Variants in PSD3 observed in about 807,000 individuals in gnomAD.
PSD3 encodes PH and SEC7 domain-containing protein 3.
In PSD3, 49 loss-of-function variants were observed where a neutral mutation model predicts 105.5. The ratio of observed to expected loss-of-function variants is 0.46; its 90% CI spans 0.37 to 0.59. PSD3 has a LOEUF of 0.59. PSD3 is among the 20% of genes least tolerant of loss of function. The probability of loss-of-function intolerance (pLI) is 0.00; values close to 1 mark genes in which losing one functional copy is unlikely to be tolerated. For synonymous variants in PSD3, 557 were observed against 457.8 expected (o/e 1.22, Z -2.77); for missense variants, 1,561 against 1,263.8 (o/e 1.24, Z -3.57).
chr8:19,060,132 C>G (rs1024403506), intron 1 of PSD3, among the ~76,000 whole-genome samples: 1 of 152,156 alleles, frequency 6.6e-6, no homozygotes, highest in Non-Finnish European at 1.5e-5. Flanking sequence ...AGTTTCTCTT[C>G]TTCCTCACCT....
intron 8 of PSD3, among the ~76,000 whole-genome samples, chr8:18,792,860 T>C (rs1012710535): frequency 6.6e-6 from 1 of 152,206 alleles, no homozygotes; most frequent in African/African-American, 2.4e-5. Context: ...CATGCTGCTA[T>C]AAAGACACAT....
chr8:18,955,129 C>T (rs1823483946), intron 1 of PSD3, among the ~76,000 whole-genome samples: 1 of 152,182 alleles, frequency 6.6e-6, no homozygotes, highest in Non-Finnish European at 1.5e-5. Context: ...TGAGGGCCAA[C>T]TGTGGCTCTG....
At position 18,789,544 on chromosome 8, in the gene PSD3, T is replaced by G. The variant is rs1057365894; in HGVS notation, c.2082+9751A>C. 2.6e-5 allele frequency among the ~76,000 whole-genome samples: 4 copies of G among 152,176 alleles called. No homozygotes were observed. In the East Asian group the frequency reaches 7.7e-4, roughly 29 times the overall value. On this transcript the variant is annotated intron_variant, in intron 8 of 15. Transcript: ENST00000327040. Reference sequence around the variant, plus strand: ...TATGTAAACAAAAGATTTTGGGGCTTCTCAAAAATTTTAAGAGTATAAAGC... The same window carrying G: ...TATGTAAACAAAAGATTTTGGGGCTGCTCAAAAATTTTAAGAGTATAAAGC...
At chr8:18,715,977 C>T (rs1194724406) in intron 9 of PSD3, among the ~76,000 whole-genome samples, 1 of 152,260 alleles carries the variant, frequency 6.6e-6, no homozygotes, top group South Asian at 2.1e-4. Flanking sequence ...TAAGCAAATA[C>T]ATTGGTTGCT....
chr8:18,777,957 G>T (rs78898510), intron 8 of PSD3, among the ~76,000 whole-genome samples: 1 of 152,042 alleles, frequency 6.6e-6, no homozygotes, highest in Non-Finnish European at 1.5e-5. Context: ...TTTTATCCAC[G>T]TTACCGTAAA....
chr8:18,921,313 T>A (rs376552247), intron 2 of PSD3, among the ~76,000 whole-genome samples: 2 of 152,214 alleles, frequency 1.3e-5, no homozygotes, highest in African/African-American at 2.4e-5. Context: ...TTTATAAACA[T>A]CTCAAGTAAA....
intron 1 of PSD3, among the ~76,000 whole-genome samples, chr8:18,965,329 G>A (rs1824169999): frequency 6.6e-6 from 1 of 152,142 alleles, no homozygotes; most frequent in Non-Finnish European, 1.5e-5. Flanking sequence ...TCATGCCAAG[G>A]CCCAAGAGAA....
chr8:18,631,265 A>T (rs182408592), intron 11 of PSD3, among the ~76,000 whole-genome samples: 1 of 152,080 alleles, frequency 6.6e-6, no homozygotes, highest in Admixed American at 6.6e-5. Context: ...ATGGGTATCT[A>T]TTGCTTTGTG....
At chr8:18,722,741 GA>G (rs1350605382) in intron 9 of PSD3, among the ~76,000 whole-genome samples, 17 of 152,280 alleles carry the variant, frequency 1.1e-4, no homozygotes, top group Middle Eastern at 3.4e-3. Flanking sequence ...GGGATGCCCT[GA>G]GGCTGCCTCT....
At chr8:18,755,904 A>G (rs569958559) in intron 9 of PSD3, among the ~76,000 whole-genome samples, 1 of 152,152 alleles carries the variant, frequency 6.6e-6, no homozygotes, top group Non-Finnish European at 1.5e-5. Context: ...TGAGCACGTG[A>G]TCGAAAGCGA....
chr8:18,819,866 C>T (rs920437685), intron 4 of PSD3, among the ~76,000 whole-genome samples: 5 of 152,302 alleles, frequency 3.3e-5, no homozygotes, highest in South Asian at 2.1e-4. Context: ...CGTGAGCCTC[C>T]GCACCCAGCC....
At chr8:18,769,333 A>T (rs894752581) in intron 8 of PSD3, among the ~76,000 whole-genome samples, 4 of 152,198 alleles carry the variant, frequency 2.6e-5, no homozygotes, top group African/African-American at 9.6e-5. Context: ...TTGTAACATT[A>T]TCTGCTTTAA....
At chr8:18,928,366 G>A (rs968383298) in intron 2 of PSD3, among the ~76,000 whole-genome samples, 2 of 152,172 alleles carry the variant, frequency 1.3e-5, no homozygotes, top group Non-Finnish European at 2.9e-5. Flanking sequence ...CTCCAGCCAT[G>A]TGGAACTGTG....
chr8:18,974,327 AT>A (rs1002824474), intron 1 of PSD3, among the ~76,000 whole-genome samples: 4 of 152,210 alleles, frequency 2.6e-5, no homozygotes. Context: ...CAAATCTTTT[AT>A]GTCAATTACA....
intron 11 of PSD3, among the ~76,000 whole-genome samples, chr8:18,625,785 G>A (rs1806432205): frequency 6.6e-6 from 1 of 152,032 alleles, no homozygotes; most frequent in Non-Finnish European, 1.5e-5. Context: ...ATAAAATGAG[G>A]ACAATAATAA....
chr8:18,754,998 C>A (rs1805898592), intron 9 of PSD3, among the ~76,000 whole-genome samples: 1 of 152,144 alleles, frequency 6.6e-6, no homozygotes, highest in Non-Finnish European at 1.5e-5. Context: ...CCAAGGAGCT[C>A]CTCAGTCTCC....
At chr8:18,958,097 C>G (rs971884682) in intron 1 of PSD3, among the ~76,000 whole-genome samples, 5 of 151,918 alleles carry the variant, frequency 3.3e-5, no homozygotes, top group Non-Finnish European at 5.9e-5. Flanking sequence ...AATATGAGAA[C>G]TTAAATGTCA....
At chr8:18,564,325 G>A (rs1345649629) in intron 14 of PSD3, among the ~76,000 whole-genome samples, 1 of 152,104 alleles carries the variant, frequency 6.6e-6, no homozygotes, top group African/African-American at 2.4e-5. Context: ...TGAAGCAGTA[G>A]GTGTAGAATA....
In PSD3 at chr8:18,977,977, T is replaced by C. The variant is rs545948011; in HGVS notation, c.21+35586A>G. On this transcript the variant is annotated intron_variant, in intron 1 of 15. Transcript: ENST00000327040. ...CTTTTGAGCAAAAACAAGTGAACAA[T>C]ACATGATTTACTGAGAACCCATACG... Among the ~76,000 whole-genome samples, 7 of 152,250 alleles carry C rather than the reference T, an allele frequency of 4.6e-5. No homozygotes were observed. The East Asian group carries it at 1.2e-3, about 25-fold the overall frequency.
Sources: allele counts gnomAD v4.1 joint callset (sites outside exome capture counted in the v4.1 genomes callset), GRCh38; gene constraint gnomAD v4.1.1; transcripts MANE v1.5; gene names NCBI Gene and HGNC (gene_info 2026-07-23, HGNC 2026-07-21).